WDR27: variants seen among roughly 807,000 people sequenced by gnomAD.
The protein encoded by WDR27 is WD repeat-containing protein 27.
A neutral mutation model predicts 114.4 loss-of-function variants in WDR27; 100 were observed. That is an observed-to-expected ratio of 0.87 (90% confidence interval 0.74 to 1.03). The LOEUF is 1.03. Ranked by LOEUF, WDR27 falls within the 50% of genes least tolerant of loss-of-function variation. The probability of loss-of-function intolerance (pLI) is 0.00; values close to 1 mark genes in which losing one functional copy is unlikely to be tolerated. For synonymous variants in WDR27, 449 were observed against 423.1 expected (o/e 1.06, Z -0.75); for missense variants, 1,129 against 1,092.9 (o/e 1.03, Z -0.47).
the WDR27 span, among the ~76,000 whole-genome samples, chr6:169,428,316 A>AG: frequency 6.6e-6 from 1 of 152,186 alleles, no homozygotes; most frequent in Admixed American, 6.5e-5. Flanking sequence ...TCAGTCTCCA[A>AG]GAAGCCCAGC....
At chr6:169,538,177 C>T (rs1196720288) in intron 25 of WDR27, among the ~76,000 whole-genome samples, 1 of 152,068 alleles carries the variant, frequency 6.6e-6, no homozygotes, top group Admixed American at 6.5e-5. Context: ...CAAATTTGAA[C>T]ATTAAGTCTG....
chr6:169,655,405 C>T (rs923712498), intron 13 of WDR27, among the ~76,000 whole-genome samples: 4 of 152,252 alleles, frequency 2.6e-5, no homozygotes, highest in Non-Finnish European at 5.9e-5. Context: ...CTGCTCACAA[C>T]AGCAGCCTGG....
Position 169,623,056 on chromosome 6 carries a change from C to G in WDR27, c.2224-9400G>C, listed in dbSNP as rs146880174. The stretch of plus-strand genomic sequence containing the variant: ...GCTACAAGATTCTGACCACCTCCCC[C>G]ACCCCTACCCAAAATTGCTCCTGGG... On this transcript the variant is annotated intron_variant, in intron 21 of 25. Coordinates refer to ENST00000448612, the MANE Select transcript of WDR27 (RefSeq NM_182552.5). Among the ~76,000 whole-genome samples, 253 of 152,312 alleles carry G rather than the reference C, an allele frequency of 1.7e-3. 1 individual carries two copies. The highest frequency in any genetic ancestry group is 5.2e-3 in the African/African-American group (215 of 41,558).
intron 25 of WDR27, among the ~76,000 whole-genome samples, chr6:169,471,451 A>G (rs1189175215): frequency 2.0e-5 from 3 of 152,136 alleles, no homozygotes; most frequent in African/African-American, 7.2e-5. Flanking sequence ...ATGAGGTAGG[A>G]GTCATTTTCA....
intron 2 of WDR27, among the ~76,000 whole-genome samples, chr6:169,674,993 T>C (rs1267250865): frequency 1.3e-5 from 2 of 152,016 alleles, no homozygotes; most frequent in Non-Finnish European, 2.9e-5. Flanking sequence ...CACAAGACAA[T>C]GTCATCAGTT....
At chr6:169,616,424 G>A (rs1295066878) in intron 21 of WDR27, among the ~76,000 whole-genome samples, 1 of 152,144 alleles carries the variant, frequency 6.6e-6, no homozygotes, top group Non-Finnish European at 1.5e-5. Context: ...GGAGGTGGAG[G>A]TTGCAGTGAG....
In WDR27 at chr6:169,538,929, G is replaced by A. The variant is rs755556736; in HGVS notation, c.2645+33490C>T. ...AAATGTGTAGGCCATATAGTTTCTCGCACTTACCCTGTTCTATCTTAATTA... is the reference window on the plus strand; with the variant it reads ...AAATGTGTAGGCCATATAGTTTCTCACACTTACCCTGTTCTATCTTAATTA... On this transcript the variant is annotated intron_variant, in intron 25 of 25. Transcript: ENST00000448612. 8.7e-4 allele frequency among the ~76,000 whole-genome samples: 132 copies of A among 152,022 alleles called. 1 individual carries two copies. Among genetic ancestry groups the A allele is most frequent in the Non-Finnish European group, 1.7e-3 (119 of 68,014 alleles).
rs1380026096 is a variant in WDR27, at chr6:169,633,043, G to A, written c.2127C>T (p.Asn709=). The A allele has an allele frequency of 6.3e-7, 1 of 1,590,114 alleles. No individual in the cohort carries two copies. The highest frequency in any genetic ancestry group is 1.7e-5 in the Admixed American group (1 of 59,670). ...TGAGGTCAAACACTTCCACGGTCCT[G>A]TTCCGGCCAGCTGCGAGTACGATGT... ...YSHIVLAAGR[N]RTVEVFDLNA... Residue 709 remains asparagine, a synonymous_variant, in exon 21 of 26, where the codon AAC becomes AAT. Coordinates refer to ENST00000448612, the MANE Select transcript of WDR27 (RefSeq NM_182552.5).
intron 25 of WDR27, among the ~76,000 whole-genome samples, chr6:169,536,143 C>T (rs1315220508): frequency 1.3e-5 from 2 of 152,126 alleles, no homozygotes; most frequent in African/African-American, 4.8e-5. Flanking sequence ...AAGTACTGGG[C>T]TAATAGTTCA....
At chr6:169,609,269 C>A (rs753926872) in intron 22 of WDR27, among the ~76,000 whole-genome samples, 21 of 152,132 alleles carry the variant, frequency 1.4e-4, no homozygotes, top group Non-Finnish European at 2.5e-4. Context: ...CTAGGCAGTG[C>A]CCCATTAGGG....
At chr6:169,433,652 T>G in the WDR27 span, among the ~76,000 whole-genome samples, 10 of 152,248 alleles carry the variant, frequency 6.6e-5, no homozygotes, top group Admixed American at 6.5e-5. Flanking sequence ...TCTAGATCCT[T>G]GAGGAATTGT....
At chr6:169,641,410 C>T (rs1428643665) in intron 17 of WDR27, among the ~76,000 whole-genome samples, 2 of 152,182 alleles carry the variant, frequency 1.3e-5, no homozygotes, top group Admixed American at 6.5e-5. Context: ...CCTCACGGTA[C>T]GGAAGGCCTC....
chr6:169,465,286 T>G (rs80157842), intron 25 of WDR27, among the ~76,000 whole-genome samples: 7 of 121,158 alleles, frequency 5.8e-5, no homozygotes, highest in African/African-American at 2.3e-4. Context: ...AAAAAAGAAA[T>G]AAAGAAAAGA....
chr6:169,472,478 C>T (rs1332041278), intron 25 of WDR27, among the ~76,000 whole-genome samples: 4 of 152,116 alleles, frequency 2.6e-5, no homozygotes, highest in Non-Finnish European at 1.5e-5. Context: ...ATTCTCTTTA[C>T]CTCAGTTTAG....
At chr6:169,428,611 G>A in the WDR27 span, among the ~76,000 whole-genome samples, 1 of 151,366 alleles carries the variant, frequency 6.6e-6, no homozygotes, top group East Asian at 1.9e-4. Flanking sequence ...GGGGGGGAGG[G>A]GGGGGTTCTA....
intron 2 of WDR27, among the ~76,000 whole-genome samples, chr6:169,677,227 G>GAA (rs1780298084): frequency 6.6e-6 from 1 of 152,172 alleles, no homozygotes; most frequent in African/African-American, 2.4e-5. Flanking sequence ...GGTAAAGACA[G>GAA]TGAAGTCTAG....
At chr6:169,650,468 C>T (rs1822082145) in intron 14 of WDR27, among the ~76,000 whole-genome samples, 3 of 150,232 alleles carry the variant, frequency 2.0e-5, no homozygotes, top group Admixed American at 2.0e-4. Flanking sequence ...CTCATCTATC[C>T]ACCCACTCAT....
the WDR27 span, among the ~76,000 whole-genome samples, chr6:169,434,871 C>G: frequency 4.6e-5 from 7 of 152,306 alleles, no homozygotes; most frequent in Non-Finnish European, 1.0e-4. Context: ...TGACAAGGAG[C>G]CAAATGTTAA....
In WDR27 at chr6:169,531,793, A is replaced by G. The variant is rs560087258; in HGVS notation, c.2645+40626T>C. Among the ~76,000 whole-genome samples, 507 of 151,894 alleles carry G rather than the reference A, an allele frequency of 3.3e-3. 2 individuals are homozygous for G. Among genetic ancestry groups the G allele is most frequent in the African/African-American group, 0.011 (475 of 41,412 alleles). ...CTCAGCCTCCCAAGTAGCTGGGATT[A>G]CAGGCACCCACCACCATGCCTGGCT... On this transcript the variant is annotated intron_variant, in intron 25 of 25. Transcript: ENST00000448612.
Sources: gnomAD v4.1 joint callset for allele counts (sites outside exome capture counted in the v4.1 genomes callset) on GRCh38, gnomAD v4.1.1 for gene constraint, MANE v1.5 for transcripts, NCBI Gene and HGNC (gene_info 2026-07-23, HGNC 2026-07-21) for gene names.